AMZ1: variants seen among roughly 807,000 people sequenced by gnomAD.
AMZ1 encodes archaelysin family metallopeptidase 1.
AMZ1 carries 39 observed loss-of-function variants against 29.9 expected under a neutral mutation model. The observed-to-expected ratio is 1.30, with a 90% CI of 1.01 to 1.70. The LOEUF is 1.70. AMZ1 is among the 40% of genes most tolerant of loss of function. The pLI is 0.00. For synonymous variants in AMZ1, 458 were observed against 304.0 expected (o/e 1.51, Z -5.27); for missense variants, 1,041 against 680.6 (o/e 1.53, Z -5.89).
In AMZ1 at chr7:2,717,399, A is replaced by G. The variant is rs931611005; in HGVS notation, c.*4521A>G. On this transcript the variant is annotated 3_prime_UTR_variant, in exon 7 of 7. Transcript: ENST00000683327. Reference sequence around the variant, plus strand: ...TGGCTTTGCAGCTCCAGTAAGAGTGAGAGACTCACGGGGGCCTGGCTGCCG... The same window carrying G: ...TGGCTTTGCAGCTCCAGTAAGAGTGGGAGACTCACGGGGGCCTGGCTGCCG... 1.3e-5 allele frequency among the ~76,000 whole-genome samples: 2 copies of G among 152,168 alleles called. No homozygotes were observed. Among genetic ancestry groups the G allele is most frequent in the Admixed American group, 6.5e-5 (1 of 15,292 alleles).
At chr7:2,681,702 C>A (rs1350226477) in intron 1 of AMZ1, among the ~76,000 whole-genome samples, 7 of 152,130 alleles carry the variant, frequency 4.6e-5, no homozygotes, top group Non-Finnish European at 1.5e-5. Flanking sequence ...CGTGCCTGGT[C>A]CGTGTGTCTT....
rs1252487544 is a variant in AMZ1 at position 2,713,086 on chromosome 7, TAAA to T, written c.*212_*214del. On this transcript the variant is annotated 3_prime_UTR_variant, in exon 7 of 7. Transcript: ENST00000683327. ...GACTCTGCCTCTACAAAAGAAAAAT[TAAA>T]AAATTAGCTGGATGAAGTGGTTCAT... 1.7e-5 allele frequency: 8 copies of T among 473,416 alleles called. No homozygotes were observed. Among genetic ancestry groups the T allele is most frequent in the Non-Finnish European group, 1.1e-5 (3 of 285,298 alleles). The allele number at this position is 473,416 out of a possible 1,614,324, so 29.3% of individuals were successfully genotyped here.
intron 4 of AMZ1, among the ~76,000 whole-genome samples, chr7:2,726,249 T>A (rs1256165031): frequency 1.3e-5 from 2 of 152,108 alleles, no homozygotes; most frequent in African/African-American, 4.8e-5. Flanking sequence ...TCCCCGCAAT[T>A]CTCGAGGCAG....
chr7:2,680,771 C>T (rs569990935), intron 1 of AMZ1, among the ~76,000 whole-genome samples: 6 of 152,378 alleles, frequency 3.9e-5, no homozygotes, highest in South Asian at 2.1e-4. Context: ...GCAGCCCATG[C>T]GCTCACTGGG....
upstream of AMZ1, chr7:2,763,271 G>T: frequency 3.8e-6 from 1 of 261,186 alleles, no homozygotes; most frequent in Non-Finnish European, 6.1e-6. Context: ...GCCTTCCCAG[G>T]CCCGTGGGAG....
At chr7:2,686,952 A>C (rs1001019289), upstream of AMZ1, among the ~76,000 whole-genome samples, 42 of 151,622 alleles carry the variant, frequency 2.8e-4, no homozygotes, top group African/African-American at 9.9e-4. Context: ...TGACCTTGTG[A>C]TCTGTCTGCC....
At chr7:2,709,902 G>A in intron 6 of AMZ1, 86 bp downstream of exon 6, 1 of 1,539,758 alleles carries the variant, frequency 6.5e-7, no homozygotes, top group Non-Finnish European at 8.8e-7. Flanking sequence ...GCAGGGCATG[G>A]GGACCGCACA....
intron 1 of AMZ1, among the ~76,000 whole-genome samples, chr7:2,695,951 G>T (rs1264371214): frequency 1.3e-5 from 2 of 150,772 alleles, no homozygotes; most frequent in Non-Finnish European, 2.9e-5. Flanking sequence ...GGAGGTTGCA[G>T]TGAGCTGAGA....
At chr7:2,725,801 A>G (rs1393833024) in intron 4 of AMZ1, among the ~76,000 whole-genome samples, 1 of 152,212 alleles carries the variant, frequency 6.6e-6, no homozygotes, top group African/African-American at 2.4e-5. Context: ...GGTCCAACAC[A>G]ACGCCTCACA....
rs1046514399 is a variant in AMZ1, at chr7:2,717,021, C to G, written c.*4143C>G. ...TGAGCAGGAAGAGAGTAAGAAGGCG[C>G]ACGGACGCGGGAGGCCTGCACCCTG... is the stretch of plus-strand genomic sequence containing the variant. On this transcript the variant is annotated 3_prime_UTR_variant, in exon 7 of 7. Transcript: ENST00000683327. Among the ~76,000 whole-genome samples the G allele has an allele frequency of 2.6e-5, 4 of 152,172 alleles. No individual in the cohort carries two copies. Among genetic ancestry groups the G allele is most frequent in the Non-Finnish European group, 1.5e-5 (1 of 68,034 alleles).
intron 4 of AMZ1, among the ~76,000 whole-genome samples, chr7:2,748,903 T>C (rs1241049322): frequency 1.3e-5 from 2 of 152,060 alleles, no homozygotes; most frequent in East Asian, 1.9e-4. Flanking sequence ...AAAAGACACA[T>C]GAAAAAATGC....
At chr7:2,697,513 T>C (rs1787814356) in intron 1 of AMZ1, among the ~76,000 whole-genome samples, 2 of 152,060 alleles carry the variant, frequency 1.3e-5, no homozygotes, top group Middle Eastern at 3.4e-3. Context: ...AGCCTTGACT[T>C]TCTGGGCTCA....
At chr7:2,756,383 T>A (rs959960572) in intron 4 of AMZ1, among the ~76,000 whole-genome samples, 1 of 152,226 alleles carries the variant, frequency 6.6e-6, no homozygotes, top group Non-Finnish European at 1.5e-5. Flanking sequence ...TCAGGTATGG[T>A]GGCTCACATT....
At chr7:2,741,211 G>C (rs142468808) in intron 4 of AMZ1, among the ~76,000 whole-genome samples, 49 of 152,268 alleles carry the variant, frequency 3.2e-4, no homozygotes, top group African/African-American at 1.2e-3. Context: ...ACCTAGACTA[G>C]GTGTGGCGGC....
At chr7:2,697,839 GAGAA>G (rs1787832697) in intron 1 of AMZ1, among the ~76,000 whole-genome samples, 1 of 152,210 alleles carries the variant, frequency 6.6e-6, no homozygotes, top group East Asian at 1.9e-4. Flanking sequence ...AATATATTTG[GAGAA>G]AGAAGTTATA....
In AMZ1 at chr7:2,716,689, A is replaced by G. The variant is rs1230783993; in HGVS notation, c.*3811A>G. Among the ~76,000 whole-genome samples, 1 of 152,150 alleles carries G rather than the reference A, an allele frequency of 6.6e-6. No individual in the cohort carries two copies. The highest frequency in any genetic ancestry group is 1.5e-5 in the Non-Finnish European group (1 of 68,028). ...AGGCAGGGACGGCCAGGCCTCGGAG[A>G]GAGGGACCGGCTGCCCTGCCCAAGG... On this transcript the variant is annotated 3_prime_UTR_variant, in exon 7 of 7. Transcript: ENST00000683327.
At chr7:2,732,701 G>C (rs546574821) in intron 4 of AMZ1, among the ~76,000 whole-genome samples, 1 of 152,180 alleles carries the variant, frequency 6.6e-6, no homozygotes, top group Non-Finnish European at 1.5e-5. Flanking sequence ...GTGTGCAGGG[G>C]ACAGAGAAAC....
chr7:2,736,262 C>A (rs1055628377), intron 4 of AMZ1, among the ~76,000 whole-genome samples: 6 of 152,224 alleles, frequency 3.9e-5, no homozygotes. Context: ...CTCTCAACGG[C>A]TGCTGCGGTC....
intron 4 of AMZ1, among the ~76,000 whole-genome samples, chr7:2,738,266 C>G (rs1790310856): frequency 6.7e-6 from 1 of 148,914 alleles, no homozygotes; most frequent in Admixed American, 6.7e-5. Flanking sequence ...AATACAAAAA[C>G]AGAGTGAGGC....
Sources: allele counts gnomAD v4.1 joint callset (sites outside exome capture counted in the v4.1 genomes callset), GRCh38; gene constraint gnomAD v4.1.1; transcripts MANE v1.5; gene names NCBI Gene and HGNC (gene_info 2026-07-23, HGNC 2026-07-21).